Variants in PACRG observed in about 807,000 individuals in gnomAD.
PACRG encodes the protein parkin coregulated.
In PACRG, 29 loss-of-function variants were observed where a neutral mutation model predicts 29.7. That is an observed-to-expected ratio of 0.98 (90% CI 0.73 to 1.33). PACRG has a LOEUF of 1.33. Among genes scored for constraint, PACRG ranks in the 40% most tolerant of loss-of-function variants. PACRG has a pLI of 0.00. For missense variants in PACRG, 279 were observed against 316.2 expected (o/e 0.88, Z 0.89); for synonymous variants, 116 against 118.7 (o/e 0.98, Z 0.15).
chr6:162,738,318 G>A (rs13209100), intron 1 of PACRG, among the ~76,000 whole-genome samples: 24,255 of 152,100 alleles, frequency 0.16, 2,647 homozygotes, highest in African/African-American at 0.31. Flanking sequence ...TACAGTGCAG[G>A]TTTCTGTAAT....
intron 1 of PACRG, among the ~76,000 whole-genome samples, chr6:162,794,169 A>G (rs1172651421): frequency 6.6e-6 from 1 of 152,070 alleles, no homozygotes; most frequent in Non-Finnish European, 1.5e-5. Context: ...AGTAACATAA[A>G]GATGTTTTAT....
intron 4 of PACRG, among the ~76,000 whole-genome samples, chr6:163,298,495 A>G (rs1784867772): frequency 6.6e-6 from 1 of 152,246 alleles, no homozygotes; most frequent in Non-Finnish European, 1.5e-5. Context: ...TATACCAGTA[A>G]CCACAAAATG....
At chr6:162,935,959 T>G (rs570730312) in intron 2 of PACRG, among the ~76,000 whole-genome samples, 7 of 152,262 alleles carry the variant, frequency 4.6e-5, no homozygotes, top group African/African-American at 1.7e-4. Context: ...TATTAGTCTA[T>G]TTTCATGCTG....
chr6:163,255,105 A>C (rs1783056324), intron 4 of PACRG, among the ~76,000 whole-genome samples: 1 of 152,148 alleles, frequency 6.6e-6, no homozygotes, highest in Non-Finnish European at 1.5e-5. Flanking sequence ...AGAAAGACCC[A>C]ATGTCCATGG....
At chr6:162,745,815 T>C (rs1317970005) in intron 1 of PACRG, among the ~76,000 whole-genome samples, 1 of 152,180 alleles carries the variant, frequency 6.6e-6, no homozygotes, top group Non-Finnish European at 1.5e-5. Context: ...AGATTTATTT[T>C]TAAGTTTTTT....
At chr6:162,849,462 C>T (rs1338230898) in intron 2 of PACRG, among the ~76,000 whole-genome samples, 1 of 152,210 alleles carries the variant, frequency 6.6e-6, no homozygotes, top group Non-Finnish European at 1.5e-5. Context: ...GTGCAGTGAG[C>T]AGGCTGACCA....
rs368295883 is a variant in PACRG, at chr6:163,079,482, T to C, written c.464-9777T>C. On this transcript the variant is annotated intron_variant, in intron 3 of 4. Coordinates refer to ENST00000366888, the MANE Select transcript of PACRG (RefSeq NM_001080379.2). Reference sequence around the variant, plus strand: ...TGTATCCTCCCTATAAGGAAAACCATAGAGGCCTTGCCAGATGCTTTGCTG... The same window carrying C: ...TGTATCCTCCCTATAAGGAAAACCACAGAGGCCTTGCCAGATGCTTTGCTG... Among the ~76,000 whole-genome samples the C allele has an allele frequency of 5.1e-4, 78 of 152,050 alleles. No homozygotes were observed. The East Asian group carries it at 8.5e-3, about 17-fold the overall frequency.
intron 3 of PACRG, among the ~76,000 whole-genome samples, chr6:163,076,521 A>C (rs897751382): frequency 4.6e-5 from 7 of 152,176 alleles, no homozygotes; most frequent in African/African-American, 1.7e-4. Flanking sequence ...CCAGATTTTA[A>C]GGGCAGACTC....
intron 4 of PACRG, among the ~76,000 whole-genome samples, chr6:163,256,971 C>T (rs1348406512): frequency 6.6e-6 from 1 of 152,072 alleles, no homozygotes; most frequent in Non-Finnish European, 1.5e-5. Context: ...CTTTGGTGTT[C>T]CTTGGCTCGT....
Position 163,156,996 on chromosome 6 carries a change from C to G in PACRG, c.613+67588C>G, listed in dbSNP as rs149162232. Among the ~76,000 whole-genome samples, 505 of 152,304 alleles carry G rather than the reference C, an allele frequency of 3.3e-3. 5 individuals carry two copies. The highest frequency in any genetic ancestry group is 0.011 in the African/African-American group (476 of 41,566). On this transcript the variant is annotated intron_variant, in intron 4 of 4. Transcript: ENST00000366888. ...AGCATGTGTGCAAAGTACCTTTTGT[C>G]ATGTAATGCAACATAGTCACATAGT...
intron 4 of PACRG, among the ~76,000 whole-genome samples, chr6:163,148,731 A>G (rs1777909087): frequency 1.3e-5 from 2 of 152,158 alleles, no homozygotes; most frequent in East Asian, 1.9e-4. Context: ...CCATTTCTGC[A>G]TGAGATGGAG....
intron 2 of PACRG, among the ~76,000 whole-genome samples, chr6:162,993,194 G>A (rs1803624156): frequency 2.0e-5 from 3 of 151,744 alleles, no homozygotes; most frequent in Admixed American, 2.0e-4. Context: ...GTGTGGTGTG[G>A]TGCTGAAAAG....
chr6:162,727,790 C>CG, upstream of PACRG: 1 of 1,090,136 alleles, frequency 9.2e-7, no homozygotes, highest in Non-Finnish European at 1.3e-6. Flanking sequence ...CCCCCGCGCC[C>CG]GGCCCTAGGA....
At chr6:163,129,724 C>A (rs1018558708) in intron 4 of PACRG, among the ~76,000 whole-genome samples, 1 of 151,268 alleles carries the variant, frequency 6.6e-6, no homozygotes, top group Non-Finnish European at 1.5e-5. Flanking sequence ...GACTGTACAT[C>A]CTTGGCCAAG....
intron 4 of PACRG, among the ~76,000 whole-genome samples, chr6:163,266,953 C>T (rs2128177632): frequency 6.6e-6 from 1 of 152,340 alleles, no homozygotes; most frequent in Admixed American, 6.5e-5. Flanking sequence ...TTAACTTCAA[C>T]ATGGAACACG....
chr6:162,779,712 A>G (rs1402826668), intron 1 of PACRG, among the ~76,000 whole-genome samples: 3 of 152,218 alleles, frequency 2.0e-5, no homozygotes, highest in Non-Finnish European at 4.4e-5. Flanking sequence ...TTATTTGTGC[A>G]TGTCAATTCA....
chr6:162,765,783 T>A (rs9365489), intron 1 of PACRG, among the ~76,000 whole-genome samples: 39,766 of 151,930 alleles, frequency 0.26, 6,013 homozygotes, highest in East Asian at 0.48. Context: ...AATGCTAATT[T>A]TGTAGAACAT....
intron 4 of PACRG, chr6:163,166,397 T>A (rs750869882): frequency 6.0e-6 from 2 of 332,312 alleles, no homozygotes; most frequent in Non-Finnish European, 1.2e-5. Context: ...TAAGAATAAG[T>A]AGACGAGGGG....
intron 2 of PACRG, among the ~76,000 whole-genome samples, chr6:163,028,016 A>G (rs1807304938): frequency 6.6e-6 from 1 of 152,156 alleles, no homozygotes; most frequent in Non-Finnish European, 1.5e-5. Flanking sequence ...CAGCCTTGAG[A>G]GAAGTCGTGA....
Sources: gnomAD v4.1 joint callset for allele counts (sites outside exome capture counted in the v4.1 genomes callset) on GRCh38, gnomAD v4.1.1 for gene constraint, MANE v1.5 for transcripts, NCBI Gene and HGNC (gene_info 2026-07-23, HGNC 2026-07-21) for gene names.